ANKRD44: variants seen among roughly 807,000 people sequenced by gnomAD.
ANKRD44 encodes the protein serine/threonine-protein phosphatase 6 regulatory ankyrin repeat subunit B.
ANKRD44 carries 35 observed loss-of-function variants against 116.0 expected under a neutral mutation model. The ratio of observed to expected loss-of-function variants is 0.30; its 90% CI spans 0.23 to 0.40. The LOEUF is 0.40. Among genes scored for constraint, ANKRD44 ranks in the 10% least tolerant of loss-of-function variants. ANKRD44 has a pLI of 1.00. For missense variants in ANKRD44, 1,014 were observed against 1,242.6 expected (o/e 0.82, Z 2.77); for synonymous variants, 435 against 461.8 (o/e 0.94, Z 0.74).
intron 1 of ANKRD44, among the ~76,000 whole-genome samples, chr2:197,303,986 A>G (rs948932760): frequency 6.6e-6 from 1 of 152,180 alleles, no homozygotes; most frequent in Non-Finnish European, 1.5e-5. Flanking sequence ...ATTGGTTAAA[A>G]GGTTAAAAAG....
chr2:197,148,977 G>C (rs984403642), intron 2 of ANKRD44, among the ~76,000 whole-genome samples: 1 of 152,224 alleles, frequency 6.6e-6, no homozygotes, highest in African/African-American at 2.4e-5. Flanking sequence ...TGAGAATCAA[G>C]TGTATTAATT....
At chr2:197,249,427 T>C (rs1410729203) in intron 1 of ANKRD44, among the ~76,000 whole-genome samples, 12 of 152,232 alleles carry the variant, frequency 7.9e-5, no homozygotes, top group Admixed American at 6.5e-4. Context: ...TTGCTCTACA[T>C]GTGGGAGAAT....
intron 9 of ANKRD44, among the ~76,000 whole-genome samples, chr2:197,102,613 T>C (rs532217873): frequency 6.6e-6 from 1 of 152,340 alleles, no homozygotes; most frequent in African/African-American, 2.4e-5. Flanking sequence ...CTGTAAACTA[T>C]TTTTCATGAC....
At chr2:197,243,455 C>T (rs569137917) in intron 1 of ANKRD44, among the ~76,000 whole-genome samples, 4 of 151,904 alleles carry the variant, frequency 2.6e-5, no homozygotes, top group Admixed American at 6.6e-5. Context: ...TGAATCCATG[C>T]TAATAAATTC....
intron 1 of ANKRD44, among the ~76,000 whole-genome samples, chr2:197,224,008 A>G (rs1284007996): frequency 1.3e-5 from 2 of 152,212 alleles, no homozygotes; most frequent in African/African-American, 2.4e-5. Context: ...TATAGAATGC[A>G]TTTTTAAAAA....
intron 1 of ANKRD44, among the ~76,000 whole-genome samples, chr2:197,190,005 C>T (rs565766104): frequency 1.3e-5 from 2 of 152,254 alleles, no homozygotes; most frequent in African/African-American, 4.8e-5. Context: ...CAGAGAAGGG[C>T]GCCAGCACAG....
intron 1 of ANKRD44, among the ~76,000 whole-genome samples, chr2:197,202,997 T>C (rs1264214830): frequency 6.6e-6 from 1 of 152,086 alleles, no homozygotes; most frequent in Non-Finnish European, 1.5e-5. Context: ...GAGGTAGTGT[T>C]AGGGATGCAA....
At chr2:197,209,256 G>A (rs1056871360) in intron 1 of ANKRD44, among the ~76,000 whole-genome samples, 1 of 152,166 alleles carries the variant, frequency 6.6e-6, no homozygotes, top group Non-Finnish European at 1.5e-5. Context: ...CCAAGAATAG[G>A]ATAAATATAA....
At chr2:197,187,515 G>A (rs192617062) in intron 1 of ANKRD44, among the ~76,000 whole-genome samples, 114 of 152,292 alleles carry the variant, frequency 7.5e-4, no homozygotes, top group Admixed American at 2.4e-3. Flanking sequence ...CCCCCAAAGC[G>A]ACTGTATTTG....
intron 2 of ANKRD44, among the ~76,000 whole-genome samples, chr2:197,181,313 AAAT>A (rs2125581654): frequency 1.3e-5 from 2 of 152,308 alleles, no homozygotes; most frequent in African/African-American, 4.8e-5. Context: ...ACTGAAAACA[AAAT>A]AAAATGGAGG....
At chr2:197,268,794 C>A (rs1188562528) in intron 1 of ANKRD44, among the ~76,000 whole-genome samples, 1 of 152,212 alleles carries the variant, frequency 6.6e-6, no homozygotes, top group Non-Finnish European at 1.5e-5. Flanking sequence ...CTTCACTCCG[C>A]AGAACTGGGA....
intron 1 of ANKRD44, among the ~76,000 whole-genome samples, chr2:197,254,759 C>T (rs367837989): frequency 0.021 from 3,071 of 143,614 alleles, 92 homozygotes; most frequent in African/African-American, 0.074. Flanking sequence ...CATACACACA[C>T]ACACACATAT....
intron 14 of ANKRD44, among the ~76,000 whole-genome samples, chr2:197,082,445 A>G (rs891079259): frequency 1.3e-5 from 2 of 152,250 alleles, no homozygotes; most frequent in Non-Finnish European, 2.9e-5. Flanking sequence ...GGTTGTAGTC[A>G]GCAAGATTTT....
chr2:197,287,424 C>T (rs761245966), intron 1 of ANKRD44, among the ~76,000 whole-genome samples: 31 of 152,054 alleles, frequency 2.0e-4, no homozygotes, highest in Non-Finnish European at 3.8e-4. Flanking sequence ...TGCCTTGTGA[C>T]GTCACAGAAT....
chr2:196,968,129 T>G (rs1037218107), intron 21 of ANKRD44, among the ~76,000 whole-genome samples: 3 of 152,204 alleles, frequency 2.0e-5, no homozygotes, highest in Non-Finnish European at 2.9e-5. Context: ...TATTTCTTTA[T>G]AGCAATGCAA....
intron 16 of ANKRD44, among the ~76,000 whole-genome samples, chr2:197,034,050 T>TAGAGAGAAAGAG (rs2076759766): frequency 9.0e-6 from 1 of 110,578 alleles, no homozygotes; most frequent in Non-Finnish European, 1.8e-5. Flanking sequence ...ATATGAGGGC[T>TAGAGAGAAAGAG]AGAGAGAGAG....
intron 21 of ANKRD44, among the ~76,000 whole-genome samples, chr2:196,980,970 T>A (rs1341669588): frequency 6.6e-6 from 1 of 152,234 alleles, no homozygotes; most frequent in Admixed American, 6.5e-5. Flanking sequence ...CTATTTGTCA[T>A]GTTGGCCTCC....
intron 2 of ANKRD44, among the ~76,000 whole-genome samples, chr2:197,156,073 G>A (rs2697254): frequency 0.91 from 138,717 of 152,300 alleles, 64,346 homozygotes; most frequent in Non-Finnish European, 0.99. Flanking sequence ...CGGGCCGGGC[G>A]TGGTGGCTCA....
chr2:197,240,409 T>C (rs2082067451), intron 1 of ANKRD44, among the ~76,000 whole-genome samples: 1 of 148,874 alleles, frequency 6.7e-6, no homozygotes, highest in Non-Finnish European at 1.5e-5. Flanking sequence ...AGCCAAGACC[T>C]TCTTTTAAAA....
Sources: allele counts gnomAD v4.1 joint callset (sites outside exome capture counted in the v4.1 genomes callset), GRCh38; gene constraint gnomAD v4.1.1; transcripts MANE v1.5; gene names NCBI Gene and HGNC (gene_info 2026-07-23, HGNC 2026-07-21).